The following ZYG11B variants were observed in gnomAD, a reference collection of about 807,000 sequenced individuals.
The protein encoded by ZYG11B is protein zyg-11 homolog B.
In ZYG11B, 36 loss-of-function variants were observed where a neutral mutation model predicts 82.4. That is an observed-to-expected ratio of 0.44 (90% CI 0.33 to 0.58). The LOEUF (loss-of-function observed/expected upper bound fraction) is 0.58, where lower values mean the gene tolerates loss of function less well. Ranked by LOEUF, ZYG11B falls within the 20% of genes least tolerant of loss-of-function variation. The pLI is 0.02. For missense variants in ZYG11B, 552 were observed against 895.6 expected (o/e 0.62, Z 4.90); for synonymous variants, 303 against 312.8 (o/e 0.97, Z 0.33).
chr1:52,783,983 C>CGT lies in ZYG11B; in HGVS notation c.1093-894_1093-893insGT, dbSNP rs199587822. Among the ~76,000 whole-genome samples the CGT allele has an allele frequency of 4.9e-4, 24 of 48,748 alleles. 1 individual carries two copies. The highest frequency in any genetic ancestry group is 3.9e-3 in the African/African-American group (24 of 6,208). 32.0% of individuals were successfully genotyped at this position (48,748 alleles called of 152,430 possible). A position where few individuals can be genotyped will look rare whatever the true frequency, so the allele number is the denominator to read the frequency against. ...ACATACACACATATACACACACACA[C>CGT]ACATATATATATATAGAGAGAGAGA... On this transcript the variant is annotated intron_variant, in intron 4 of 13. Transcript: ENST00000294353.
chr1:52,806,618 G>T (rs1645143680), intron 10 of ZYG11B, among the ~76,000 whole-genome samples: 1 of 152,102 alleles, frequency 6.6e-6, no homozygotes, highest in Admixed American at 6.6e-5. Context: ...CTTTGATACT[G>T]ATATAGCCAT....
chr1:52,797,403 A>ATATATT (rs1558137773), intron 8 of ZYG11B, among the ~76,000 whole-genome samples: 10 of 95,930 alleles, frequency 1.0e-4, no homozygotes, highest in African/African-American at 3.7e-4. Flanking sequence ...TCATATATGA[A>ATATATT]ATATATATCA....
chr1:52,751,099 G>A (rs1221489353), intron 1 of ZYG11B, among the ~76,000 whole-genome samples: 4 of 152,004 alleles, frequency 2.6e-5, no homozygotes, highest in Non-Finnish European at 5.9e-5. Flanking sequence ...TCCCACTTCA[G>A]CTCCTGAGTA....
chr1:52,783,852 G>A (rs930660836), intron 4 of ZYG11B, among the ~76,000 whole-genome samples: 2 of 46,916 alleles, frequency 4.3e-5, no homozygotes, highest in African/African-American at 2.2e-4. Context: ...GTACATACAC[G>A]TGTGTGTGTA....
chr1:52,808,693 C>T (rs895565494), intron 10 of ZYG11B, among the ~76,000 whole-genome samples: 6 of 152,146 alleles, frequency 3.9e-5, no homozygotes, highest in Non-Finnish European at 8.8e-5. Context: ...TTTTGCAGCC[C>T]TTTTCCCCAT....
intron 1 of ZYG11B, among the ~76,000 whole-genome samples, chr1:52,742,602 G>A (rs929684799): frequency 6.6e-6 from 1 of 152,068 alleles, no homozygotes; most frequent in African/African-American, 2.4e-5. Flanking sequence ...CAGCACTTTC[G>A]GAGGCGGAGG....
At position 52,827,028 on chromosome 1, in the gene ZYG11B, T is replaced by C. The variant is rs1645330830; in HGVS notation, c.*5399T>C. 1 of 152,240 alleles carries C rather than the reference T, an allele frequency of 6.6e-6. No homozygotes were observed. Among genetic ancestry groups the C allele is most frequent in the South Asian group, 2.1e-4 (1 of 4,834 alleles). The allele number at this position is 152,240 out of a possible 1,614,324, so 9.4% of individuals were successfully genotyped here. A position where few individuals can be genotyped will look rare whatever the true frequency, so the allele number is the denominator to read the frequency against. ...CAAAAATTAAGAAATCCCTGACTTT[T>C]GTAGAATTCCCACTGTCAAATTCTC... is the stretch of plus-strand genomic sequence containing the variant. On this transcript the variant is annotated 3_prime_UTR_variant, in exon 14 of 14. Transcript: ENST00000294353.
rs1644754765 is a variant in ZYG11B at position 52,771,870 on chromosome 1, G to C, written c.951+96G>C. The C allele has an allele frequency of 7.1e-7, 1 of 1,409,790 alleles. No individual in the cohort carries two copies. The highest frequency in any genetic ancestry group is 9.6e-7 in the Non-Finnish European group (1 of 1,041,058). The allele number at this position is 1,409,790 out of a possible 1,614,324, so 87.3% of individuals were successfully genotyped here. On this transcript the variant is annotated intron_variant, in intron 3 of 13. Transcript: ENST00000294353. This position sits in a 1 kb window ranked among gnomAD's most constrained non-coding sequence, Gnocchi z 5.4. ...TGAATGTCTGTAATATATGGAACAT[G>C]TTCATGAAACAGGGCTGCATATAGT...
chr1:52,751,540 G>A (rs1029031152), intron 1 of ZYG11B, among the ~76,000 whole-genome samples: 2 of 152,034 alleles, frequency 1.3e-5, no homozygotes, highest in African/African-American at 2.4e-5. Flanking sequence ...TGAGGCAGGA[G>A]AATCACTGGA....
intron 1 of ZYG11B, among the ~76,000 whole-genome samples, chr1:52,753,604 T>G (rs545718392): frequency 2.6e-5 from 4 of 152,054 alleles, no homozygotes; most frequent in East Asian, 1.9e-4. Context: ...TGTGTTTTTT[T>G]GTTTTTTTTG....
At chr1:52,806,156 A>G (rs1645140120) in intron 10 of ZYG11B, among the ~76,000 whole-genome samples, 1 of 152,046 alleles carries the variant, frequency 6.6e-6, no homozygotes, top group African/African-American at 2.4e-5. Flanking sequence ...GTCCTTCTGA[A>G]TTTATTGAGA....
intron 12 of ZYG11B, 152 bp downstream of exon 12, chr1:52,814,064 A>G (rs1176765736): frequency 1.3e-6 from 1 of 757,512 alleles, no homozygotes; most frequent in Non-Finnish European, 2.1e-6. Context: ...CTCCGTCGCC[A>G]TGGCTGGAGT....
chr1:52,779,824 T>G, intron 3 of ZYG11B, 29 bp from the exon 4 acceptor site: 37 of 1,610,164 alleles, frequency 2.3e-5, no homozygotes, highest in Non-Finnish European at 3.1e-5. Context: ...GAGAGAGAAT[T>G]CTAAAAGCTA....
At chr1:52,802,338 CTCTTTT>C (rs201444673) in intron 10 of ZYG11B, among the ~76,000 whole-genome samples, 199 bp downstream of exon 10, 1,906 of 131,482 alleles carry the variant, frequency 0.014, 24 homozygotes, top group African/African-American at 0.055. Flanking sequence ...CTTTCTTTCT[CTCTTTT>C]TTTTTTTTTT....
Position 52,818,720 on chromosome 1 carries a change from T to C in ZYG11B, c.2044+2091T>C, listed in dbSNP as rs138027488. Among the ~76,000 whole-genome samples the C allele has an allele frequency of 7.2e-4, 109 of 152,190 alleles. 1 individual carries two copies. In the East Asian group the frequency reaches 0.018, roughly 25 times the overall value. On this transcript the variant is annotated intron_variant, in intron 13 of 13. Coordinates refer to ENST00000294353, the MANE Select transcript of ZYG11B (RefSeq NM_024646.3). The stretch of plus-strand genomic sequence containing the variant: ...GGGACATACTATAAAGGGCCTTATA[T>C]AGGATATGTGAGAGTTGTTTTTACT...
chr1:52,765,587 T>C (rs368978336), intron 2 of ZYG11B, among the ~76,000 whole-genome samples: 2 of 152,156 alleles, frequency 1.3e-5, no homozygotes, highest in East Asian at 3.9e-4. Flanking sequence ...AATCTCAAAC[T>C]CCTGGGCTCA....
chr1:52,768,884 G>A (rs1418715684), intron 2 of ZYG11B, among the ~76,000 whole-genome samples: 1 of 152,160 alleles, frequency 6.6e-6, no homozygotes, highest in African/African-American at 2.4e-5. Context: ...ATGAGCCACT[G>A]CACCTGGCCT....
At chr1:52,795,938 CTGTTG>C (rs1645002893) in intron 6 of ZYG11B, among the ~76,000 whole-genome samples, 1 of 152,122 alleles carries the variant, frequency 6.6e-6, no homozygotes, top group South Asian at 2.1e-4. Context: ...ATGAATGTTT[CTGTTG>C]TGTTAGGTGC....
At chr1:52,784,336 T>C (rs2149947817) in intron 4 of ZYG11B, among the ~76,000 whole-genome samples, 1 of 152,326 alleles carries the variant, frequency 6.6e-6, no homozygotes, top group Middle Eastern at 3.4e-3. Context: ...GGTTTCACCA[T>C]GTTGCCCAGG....
Sources: gnomAD v4.1 joint callset for allele counts (sites outside exome capture counted in the v4.1 genomes callset) on GRCh38, gnomAD v4.1.1 for gene constraint, Gnocchi (gnomAD v3.1) non-coding constraint, MANE v1.5 for transcripts, NCBI Gene and HGNC (gene_info 2026-07-23, HGNC 2026-07-21) for gene names.